Variants in DNAH2 observed in about 807,000 individuals in gnomAD.
DNAH2 encodes axonemal beta dynein heavy chain 2.
DNAH2 carries 323 observed loss-of-function variants against 523.5 expected under a neutral mutation model. The observed-to-expected ratio is 0.62, with a 90% confidence interval of 0.56 to 0.68. DNAH2 has a LOEUF of 0.68. DNAH2 is among the 30% of genes least tolerant of loss of function. The pLI is 0.00. For missense variants in DNAH2, 4,907 were observed against 5,701.5 expected (o/e 0.86, Z 4.49); for synonymous variants, 2,093 against 2,177.4 (o/e 0.96, Z 1.08).
rs2075605956 is a variant in DNAH2, at chr17:7,749,303, CCCCCCAAAAAAAAAAAAAAAAAAAAAAA to C, written c.1904+6162_1904+6189del. Among the ~76,000 whole-genome samples, 31 of 17,784 alleles carry C rather than the reference CCCCCCAAAAAAAAAAAAAAAAAAAAAAA, an allele frequency of 1.7e-3. No homozygotes were observed. In the South Asian group the frequency reaches 0.1, roughly 59 times the overall value. 11.7% of individuals were successfully genotyped at this position (17,784 alleles called of 152,430 possible). ...AGCCTGGGCAACAAGAGCTAAACTC[CCCCCCAAAAAAAAAAAAAAAAAAAAAAA>C]AAAAAAAAAAAAAAAAAGAAAGAAA... On this transcript the variant is annotated intron_variant, in intron 12 of 85. Coordinates refer to ENST00000572933, the MANE Select transcript of DNAH2 (RefSeq NM_020877.5).
Position 7,831,053 on chromosome 17 carries a change from C to A in DNAH2, c.12231-33C>A, listed in dbSNP as rs1026925516. 3.1e-6 allele frequency: 5 copies of A among 1,600,122 alleles called. No homozygotes were observed. Among genetic ancestry groups the A allele is most frequent in the Non-Finnish European group, 4.3e-6 (5 of 1,172,998 alleles). ...CCTGGCATTGAGGGCTGAGTCCCCA[C>A]AATGTGGCAGTAATTATGCTATGAC... On this transcript the variant is annotated intron_variant, in intron 79 of 85. Coordinates refer to ENST00000572933, the MANE Select transcript of DNAH2 (RefSeq NM_020877.5). The surrounding 1 kb of genome is among the most constrained non-coding windows in gnomAD (Gnocchi z 4.2).
intron 49 of DNAH2, among the ~76,000 whole-genome samples, chr17:7,796,237 C>T (rs962771543): frequency 4.0e-5 from 6 of 151,734 alleles, no homozygotes; most frequent in Admixed American, 6.6e-5. Flanking sequence ...TTAGTAAAGA[C>T]GGAGTTTCTC....
rs190479809 is a variant in DNAH2, at chr17:7,748,293, C to T, written c.1904+5151C>T. Among the ~76,000 whole-genome samples the T allele has an allele frequency of 5.9e-5, 9 of 152,274 alleles. No individual in the cohort carries two copies. The East Asian group carries it at 1.3e-3, about 23-fold the overall frequency. On this transcript the variant is annotated intron_variant, in intron 12 of 85. Coordinates refer to ENST00000572933, the MANE Select transcript of DNAH2 (RefSeq NM_020877.5). Reference sequence around the variant, plus strand: ...AGTAGAATTTCCTGAGAGGAGGAGACGAGATACTGAGGTCTGTTTTTTGTT... The same window carrying T: ...AGTAGAATTTCCTGAGAGGAGGAGATGAGATACTGAGGTCTGTTTTTTGTT...
rs1300073245 is a variant in DNAH2 at position 7,805,317 on chromosome 17, A to C, written c.9366A>C (p.Gln3122His). 3 of 1,614,116 alleles carry C rather than the reference A, an allele frequency of 1.9e-6. No homozygotes were observed. Among genetic ancestry groups the C allele is most frequent in the African/African-American group, 1.3e-5 (1 of 74,942 alleles). Residue 3122 changes from glutamine to histidine, a missense_variant, in exon 61 of 86, where the codon CAA (glutamine) becomes CAC (histidine). Physicochemically the swap from Gln to His is conservative, Grantham distance 24. Transcript: ENST00000572933. Reference sequence around the variant, plus strand: ...AGTCTTATGGACGGCCCCCAGCCCAAGTGGAGATAGTGATGCAGGCAGTTA... The same window carrying C: ...AGTCTTATGGACGGCCCCCAGCCCACGTGGAGATAGTGATGCAGGCAGTTA... ...EIKSYGRPPAQVEIVMQAVMI... is the reference protein window; with the variant it reads ...EIKSYGRPPAHVEIVMQAVMI...
At chr17:7,741,228 T>TCC (rs2075305524) in intron 11 of DNAH2, among the ~76,000 whole-genome samples, 1 of 141,088 alleles carries the variant, frequency 7.1e-6, no homozygotes, top group African/African-American at 2.6e-5. Flanking sequence ...TTTCTTTTTT[T>TCC]TCTCTCTCTC....
At chr17:7,794,752 CTT>C (rs764592403) in intron 49 of DNAH2, among the ~76,000 whole-genome samples, 100 of 125,220 alleles carry the variant, frequency 8.0e-4, no homozygotes, top group African/African-American at 1.1e-3. Flanking sequence ...TTAACACTTC[CTT>C]TTTTTTTTTT....
intron 15 of DNAH2, 58 bp downstream of exon 15, chr17:7,759,182 T>G: frequency 1.2e-6 from 2 of 1,603,780 alleles, no homozygotes; most frequent in African/African-American, 1.3e-5. Flanking sequence ...CCCAGTTCCA[T>G]CAGGCCATTC....
At chr17:7,744,330 C>G (rs1364976056) in intron 12 of DNAH2, among the ~76,000 whole-genome samples, 1 of 147,616 alleles carries the variant, frequency 6.8e-6, no homozygotes, top group Non-Finnish European at 1.5e-5. Context: ...GCTTGTGGGG[C>G]CAAATGTAGG....
intron 18 of DNAH2, 73 bp downstream of exon 18, chr17:7,761,005 T>A: frequency 6.4e-7 from 1 of 1,560,096 alleles, no homozygotes; most frequent in Non-Finnish European, 8.7e-7. Flanking sequence ...AGGCCTAGAG[T>A]CTTGGGAAGT....
chr17:7,788,854 G>T (rs1289336095), intron 44 of DNAH2, among the ~76,000 whole-genome samples: 1 of 152,190 alleles, frequency 6.6e-6, no homozygotes, highest in Non-Finnish European at 1.5e-5. Flanking sequence ...TCCTGGTACA[G>T]TTAATGTAAA....
In DNAH2 at chr17:7,832,597, C is replaced by T; in HGVS notation, c.12745C>T (p.Pro4249Ser). 1 of 1,614,122 alleles carries T rather than the reference C, an allele frequency of 6.2e-7. No homozygotes were observed. Among genetic ancestry groups the T allele is most frequent in the Non-Finnish European group, 8.5e-7 (1 of 1,180,008 alleles). ...LWGKAYPSQK[P>S]LAAWTRDLAM... ...TCCCCAGGCATACCCCTCACAAAAGCCATTGGCTGCCTGGACCCGGGACTT... is the reference window on the plus strand; with the variant it reads ...TCCCCAGGCATACCCCTCACAAAAGTCATTGGCTGCCTGGACCCGGGACTT... Residue 4249 changes from proline (P) to serine (S), a missense_variant, in exon 83 of 86, where the codon CCA (proline) becomes TCA (serine). This residue lies in a region of DNAH2 where 1,851 missense variants were observed against 2,139.4 expected (regional missense o/e 0.87). Transcript: ENST00000572933. The surrounding 1 kb of genome is among the most constrained non-coding windows in gnomAD (Gnocchi z 4.3).
At position 7,831,125 on chromosome 17, in the gene DNAH2, C is replaced by G; in HGVS notation, c.12270C>G (p.Gly4090=). The change falls in exon 80 of 86, where the codon GGC becomes GGG. Residue 4090 remains glycine, a synonymous_variant. Coordinates refer to ENST00000572933, the MANE Select transcript of DNAH2 (RefSeq NM_020877.5). This position sits in a 1 kb window ranked among gnomAD's most constrained non-coding sequence, Gnocchi z 4.2. ...AGACTTATTTCATCCCCAAGGATGGCAGCCTCGCTTCTTACAAGGAATACA... is the reference window on the plus strand; with the variant it reads ...AGACTTATTTCATCCCCAAGGATGGGAGCCTCGCTTCTTACAAGGAATACA... ...ALETYFIPKD[G]SLASYKEYIS... 6.2e-7 allele frequency: 1 copy of G among 1,614,044 alleles called. No homozygotes were observed. Among genetic ancestry groups the G allele is most frequent in the Non-Finnish European group, 8.5e-7 (1 of 1,180,028 alleles).
At position 7,832,848 on chromosome 17, in the gene DNAH2, C is replaced by T; in HGVS notation, c.12904-6C>T. 3 of 1,614,182 alleles carry T rather than the reference C, an allele frequency of 1.9e-6. No individual in the cohort carries two copies. Among genetic ancestry groups the T allele is most frequent in the African/African-American group, 1.3e-5 (1 of 75,046 alleles). ...GTCCTCTCTTATTCTCACCTTCAACCCCCAGGTTTCAGTGGACAGCCTCTC... is the reference window on the plus strand; with the variant it reads ...GTCCTCTCTTATTCTCACCTTCAACTCCCAGGTTTCAGTGGACAGCCTCTC... On this transcript the variant is annotated splice_polypyrimidine_tract_variant and splice_region_variant and intron_variant, in intron 83 of 85. Transcript: ENST00000572933. The surrounding 1 kb of genome is among the most constrained non-coding windows in gnomAD (Gnocchi z 4.3).
At position 7,798,753 on chromosome 17, in the gene DNAH2, C is replaced by T. The variant is rs761149172; in HGVS notation, c.8559+35C>T. On this transcript the variant is annotated intron_variant, in intron 55 of 85. Transcript: ENST00000572933. The surrounding 1 kb of genome is among the most constrained non-coding windows in gnomAD (Gnocchi z 5.5). ...CTTCCACACCCTTGACCAGTCAGTTCTTTGGCCTGCCTAGCTGACCCCAGA... is the reference window on the plus strand; with the variant it reads ...CTTCCACACCCTTGACCAGTCAGTTTTTTGGCCTGCCTAGCTGACCCCAGA... 1.3e-6 allele frequency: 2 copies of T among 1,594,588 alleles called. No homozygotes were observed. Among genetic ancestry groups the T allele is most frequent in the South Asian group, 1.1e-5 (1 of 90,412 alleles).
At chr17:7,813,866 C>A (rs993476948) in intron 63 of DNAH2, among the ~76,000 whole-genome samples, 7 of 151,100 alleles carry the variant, frequency 4.6e-5, no homozygotes, top group African/African-American at 1.5e-4. Context: ...CAAGATGGCG[C>A]CACTGCACTC....
chr17:7,758,838 G>T, intron 14 of DNAH2, 47 bp from the exon 15 acceptor site: 1 of 1,606,710 alleles, frequency 6.2e-7, no homozygotes, highest in Non-Finnish European at 8.5e-7. Context: ...AGGTCCAGAT[G>T]GTCTCTTCCC....
intron 44 of DNAH2, 74 bp from the exon 45 acceptor site, chr17:7,791,843 G>A (rs1055160082): frequency 1.7e-5 from 24 of 1,439,934 alleles, no homozygotes; most frequent in Non-Finnish European, 2.2e-5. Context: ...TCCACACTCT[G>A]GTGTCACGAG....
intron 61 of DNAH2, among the ~76,000 whole-genome samples, chr17:7,806,144 C>T (rs2077361238): frequency 1.3e-5 from 2 of 152,192 alleles, no homozygotes; most frequent in African/African-American, 4.8e-5. Flanking sequence ...CAATACATTA[C>T]ATGAGATATT....
chr17:7,817,477 G>A, intron 65 of DNAH2, 62 bp downstream of exon 65: 1 of 1,613,312 alleles, frequency 6.2e-7, no homozygotes, highest in Non-Finnish European at 8.5e-7. Context: ...CAGGACCTTT[G>A]GGAATATTAA....
Sources: gnomAD v4.1 joint callset for allele counts (sites outside exome capture counted in the v4.1 genomes callset) on GRCh38, gnomAD v4.1.1 for gene constraint, gnomAD v4.1.1 regional missense constraint, Gnocchi (gnomAD v3.1) non-coding constraint, MANE v1.5 for transcripts, NCBI Gene and HGNC (gene_info 2026-07-23, HGNC 2026-07-21) for gene names.